Variants in COLEC12 observed in about 807,000 individuals in gnomAD.
The protein encoded by COLEC12 is collectin-12.
A neutral mutation model predicts 71.1 loss-of-function variants in COLEC12; 33 were observed. The observed-to-expected ratio is 0.46, with a 90% CI of 0.35 to 0.62. COLEC12 has a LOEUF of 0.62. COLEC12 is among the 20% of genes least tolerant of loss of function. The probability of loss-of-function intolerance (pLI) is 0.00; values close to 1 mark genes in which losing one functional copy is unlikely to be tolerated. For missense variants in COLEC12, 765 were observed against 916.1 expected, an observed-to-expected ratio of 0.84 and a Z score of 2.13; for synonymous variants, 350 against 353.0, an observed-to-expected ratio of 0.99 and a Z score of 0.10.
intron 8 of COLEC12, among the ~76,000 whole-genome samples, chr18:323,191 A>G (rs934987251): frequency 3.3e-5 from 5 of 152,128 alleles, no homozygotes; most frequent in African/African-American, 1.2e-4. Context: ...ATGCCACTGC[A>G]CTCCAGCCTG....
chr18:320,141 G>A (rs554647935), intron 9 of COLEC12, 77 bp from the exon 10 acceptor site: 76 of 839,398 alleles, frequency 9.1e-5, no homozygotes, highest in African/African-American at 5.9e-4. Flanking sequence ...AAAAGGGAAC[G>A]TGTATTTTTA....
chr18:377,000 C>T (rs865908235), intron 2 of COLEC12, among the ~76,000 whole-genome samples: 35 of 152,324 alleles, frequency 2.3e-4, no homozygotes, highest in African/African-American at 7.9e-4. Flanking sequence ...CCCTTCCCTT[C>T]CAACCTACAA....
At chr18:496,983 A>G (rs1649084441) in intron 1 of COLEC12, among the ~76,000 whole-genome samples, 1 of 152,260 alleles carries the variant, frequency 6.6e-6, no homozygotes, top group African/African-American at 2.4e-5. Flanking sequence ...TTGATGGTGT[A>G]GTACAGCTAA....
chr18:393,078 AG>A (rs2143594227), intron 2 of COLEC12, among the ~76,000 whole-genome samples: 1 of 152,364 alleles, frequency 6.6e-6, no homozygotes, highest in Non-Finnish European at 1.5e-5. Flanking sequence ...TCACACATCA[AG>A]CCAAACCATC....
rs749005754 is a variant in COLEC12 at position 346,714 on chromosome 18, ATAG to A, written c.905_907del (p.Thr302del). 2.7e-5 allele frequency: 44 copies of A among 1,613,918 alleles called. No individual in the cohort carries two copies. In the Admixed American group the frequency reaches 6.2e-4, roughly 23 times the overall value. On this transcript the variant is annotated inframe_deletion, in exon 5 of 10. Transcript: ENST00000400256. This position sits in a 1 kb window ranked among gnomAD's most constrained non-coding sequence, Gnocchi z 4.0. ...CAGGTTCTGCTCGTTGGCTTGAGAGATAGTGGTGATGTTCTCCATCTGACCTGT... is the reference window on the plus strand; with the variant it reads ...CAGGTTCTGCTCGTTGGCTTGAGAGATGGTGATGTTCTCCATCTGACCTGT...
chr18:420,139 A>C (rs955530958), intron 2 of COLEC12, among the ~76,000 whole-genome samples: 2 of 152,168 alleles, frequency 1.3e-5, no homozygotes, highest in African/African-American at 4.8e-5. Flanking sequence ...TACAGTCTGA[A>C]TTCCTGACCC....
intron 2 of COLEC12, among the ~76,000 whole-genome samples, chr18:386,725 T>C (rs1195051991): frequency 6.6e-6 from 1 of 152,212 alleles, no homozygotes; most frequent in East Asian, 1.9e-4. Flanking sequence ...CAGACCTGAA[T>C]TTGGAAGCTG....
At chr18:422,112 A>C (rs1916110718) in intron 2 of COLEC12, among the ~76,000 whole-genome samples, 1 of 152,214 alleles carries the variant, frequency 6.6e-6, no homozygotes, top group Non-Finnish European at 1.5e-5. Context: ...GGTAAGAGTC[A>C]CCAGGGTTAG....
At chr18:385,191 C>A (rs1464579866) in intron 2 of COLEC12, among the ~76,000 whole-genome samples, 1 of 152,028 alleles carries the variant, frequency 6.6e-6, no homozygotes, top group Non-Finnish European at 1.5e-5. Context: ...TAGTGTTGTC[C>A]TTTTGGGCAT....
chr18:380,594 C>T (rs967341575), intron 2 of COLEC12, among the ~76,000 whole-genome samples: 2 of 152,152 alleles, frequency 1.3e-5, no homozygotes, highest in East Asian at 1.9e-4. Flanking sequence ...ATTACACACA[C>T]TCACATACAC....
At chr18:407,567 A>T (rs1915814722) in intron 2 of COLEC12, among the ~76,000 whole-genome samples, 1 of 152,244 alleles carries the variant, frequency 6.6e-6, no homozygotes, top group Non-Finnish European at 1.5e-5. Flanking sequence ...GTTCCCTTTT[A>T]TTCAGAGAAG....
intron 2 of COLEC12, among the ~76,000 whole-genome samples, chr18:425,144 G>A (rs1916175372): frequency 6.6e-6 from 1 of 152,166 alleles, no homozygotes; most frequent in Non-Finnish European, 1.5e-5. Context: ...AGAACTTAGT[G>A]CAACCTTCTT....
Position 333,425 on chromosome 18 carries a change from GCAA to G in COLEC12, c.1817-285_1817-283del, listed in dbSNP as rs1467495506. 1.5e-5 allele frequency: 4 copies of G among 270,144 alleles called. 1 individual carries two copies. Among genetic ancestry groups the G allele is most frequent in the South Asian group, 1.8e-4 (2 of 11,062 alleles). The allele number at this position is 270,144 out of a possible 1,614,324, so 16.7% of individuals were successfully genotyped here. On this transcript the variant is annotated intron_variant, in intron 6 of 9. Transcript: ENST00000400256. ...CTTCACAATGACAGAAATAACAGAA[GCAA>G]CAACAAGAAGCAGGGCAGGCACAGA...
intron 2 of COLEC12, among the ~76,000 whole-genome samples, chr18:414,676 G>A (rs1402618245): frequency 3.3e-5 from 5 of 152,166 alleles, no homozygotes; most frequent in African/African-American, 1.2e-4. Context: ...GGATAGAAGA[G>A]CCCTTAATTA....
rs560230797 is a variant in COLEC12 at position 331,603 on chromosome 18, G to A, written c.2063+65C>T. 1.0e-4 allele frequency: 107 copies of A among 1,043,992 alleles called. 1 individual carries two copies. In the Middle Eastern group the frequency reaches 1.2e-3, roughly 12 times the overall value. The allele number at this position is 1,043,992 out of a possible 1,614,324, so 64.7% of individuals were successfully genotyped here. ...ATTAAGGAAGAAACTGTTGGGAGTC[G>A]GGCAAGAAGTGACAACAGAACAGTG... is the stretch of plus-strand genomic sequence containing the variant. On this transcript the variant is annotated intron_variant, in intron 8 of 9. Transcript: ENST00000400256.
At position 325,600 on chromosome 18, in the gene COLEC12, C is replaced by T. The variant is rs1048562582; in HGVS notation, c.2064-3793G>A. Among the ~76,000 whole-genome samples the T allele has an allele frequency of 2.2e-5, 3 of 136,888 alleles. No homozygotes were observed. In the East Asian group the frequency reaches 7.0e-4, roughly 32 times the overall value. 89.8% of individuals were successfully genotyped at this position (136,888 alleles called of 152,430 possible). ...CCAATCACATGCTTACACCTATACTCATTACACCAAGAGTAAAAGGATCAG... is the reference window on the plus strand; with the variant it reads ...CCAATCACATGCTTACACCTATACTTATTACACCAAGAGTAAAAGGATCAG... On this transcript the variant is annotated intron_variant, in intron 8 of 9. Transcript: ENST00000400256.
At chr18:424,502 T>G (rs2143660803) in intron 2 of COLEC12, 1 of 152,296 alleles carries the variant, frequency 6.6e-6, no homozygotes, top group African/African-American at 2.4e-5. Flanking sequence ...TCCTATGTTG[T>G]TTTATAAGAG....
At chr18:415,229 G>A (rs1288843089) in intron 2 of COLEC12, among the ~76,000 whole-genome samples, 3 of 152,208 alleles carry the variant, frequency 2.0e-5, no homozygotes, top group Non-Finnish European at 4.4e-5. Flanking sequence ...CCATTTTACA[G>A]ATAAGGCAAC....
intron 2 of COLEC12, among the ~76,000 whole-genome samples, chr18:370,755 C>T (rs192771472): frequency 1.3e-4 from 20 of 152,266 alleles, no homozygotes; most frequent in African/African-American, 2.9e-4. Context: ...AGGCATACCC[C>T]TTCTAAATGG....
Sources: allele counts gnomAD v4.1 joint callset (sites outside exome capture counted in the v4.1 genomes callset), GRCh38; gene constraint gnomAD v4.1.1; non-coding constraint Gnocchi (gnomAD v3.1); transcripts MANE v1.5; gene names NCBI Gene and HGNC (gene_info 2026-07-23, HGNC 2026-07-21).